ZNF708: variants seen among roughly 807,000 people sequenced by gnomAD.
The protein encoded by ZNF708 is zinc finger protein 708, also known as ZNF15, ZNF15L1.
Under a neutral mutation model 47.0 loss-of-function variants are expected in ZNF708, and 44 were observed. That is an observed-to-expected ratio of 0.94 (90% CI 0.74 to 1.20). ZNF708 has a LOEUF of 1.20. Among genes scored for constraint, ZNF708 ranks in the 50% most tolerant of loss-of-function variants. The probability of loss-of-function intolerance (pLI) is 0.00; values close to 1 mark genes in which losing one functional copy is unlikely to be tolerated. For synonymous variants in ZNF708, 184 were observed against 218.5 expected (o/e 0.84, Z 1.39); for missense variants, 557 against 656.0 (o/e 0.85, Z 1.65).
rs986740377 is a variant in ZNF708, at chr19:21,316,716, A to C, written c.4-6089T>G. ...ACGCCTGTAATCCCAACACTTTGGG[A>C]GGCTGAGATGGGTGGATCATGAGGT... On this transcript the variant is annotated intron_variant, in intron 1 of 3. Coordinates refer to ENST00000356929, the MANE Select transcript of ZNF708 (RefSeq NM_021269.3). Among the ~76,000 whole-genome samples, 5 of 150,824 alleles carry C rather than the reference A, an allele frequency of 3.3e-5. No homozygotes were observed. In the South Asian group the frequency reaches 8.6e-4, roughly 26 times the overall value.
chr19:21,317,454 A>G (rs1379075513), intron 1 of ZNF708, among the ~76,000 whole-genome samples: 1 of 152,096 alleles, frequency 6.6e-6, no homozygotes, highest in Non-Finnish European at 1.5e-5. Flanking sequence ...TTGCAGCACA[A>G]TTGTGAGTTG....
At chr19:21,308,448 T>C (rs1972831503) in intron 3 of ZNF708, among the ~76,000 whole-genome samples, 2 of 152,064 alleles carry the variant, frequency 1.3e-5, no homozygotes, top group African/African-American at 4.8e-5. Flanking sequence ...CCTGGCTAAT[T>C]TTGTATTTTT....
intron 1 of ZNF708, among the ~76,000 whole-genome samples, chr19:21,323,830 A>T (rs1190714109): frequency 6.6e-6 from 1 of 152,222 alleles, no homozygotes; most frequent in East Asian, 1.9e-4. Flanking sequence ...CTCCCCAGAA[A>T]AAACTAACTG....
At position 21,329,363 on chromosome 19, in the gene ZNF708, G is replaced by GC. The variant is rs1351381734; in HGVS notation, c.-152dup. 8 of 1,275,194 alleles carry GC rather than the reference G, an allele frequency of 6.3e-6. No homozygotes were observed. Among genetic ancestry groups the GC allele is most frequent in the Non-Finnish European group, 8.9e-6 (8 of 903,318 alleles). The allele number at this position is 1,275,194 out of a possible 1,614,324, so 79.0% of individuals were successfully genotyped here. On this transcript the variant is annotated 5_prime_UTR_variant, in exon 1 of 4. Transcript: ENST00000356929. ...CCGGCTGCAGCAAGAGACAAAGGCC[G>GC]CGCCAAACCCGGAAGCCGCCCTGTC...
At chr19:21,306,196 G>GCAA (rs769838850) in intron 3 of ZNF708, among the ~76,000 whole-genome samples, 8 of 151,874 alleles carry the variant, frequency 5.3e-5, no homozygotes, top group Middle Eastern at 6.8e-3. Context: ...AAATGCATGA[G>GCAA]CAACAACAAC....
At chr19:21,321,028 CT>C (rs1973120865) in intron 1 of ZNF708, among the ~76,000 whole-genome samples, 1 of 151,926 alleles carries the variant, frequency 6.6e-6, no homozygotes, top group Non-Finnish European at 1.5e-5. Context: ...GTAGTACCAG[CT>C]ACTGTGGAGG....
intron 1 of ZNF708, chr19:21,327,928 C>T: frequency 3.2e-6 from 3 of 935,250 alleles, no homozygotes; most frequent in Non-Finnish European, 3.9e-6. Context: ...CCAGGGCATC[C>T]ACCTGCTCCC....
chr19:21,323,176 A>G (rs1037673811), intron 1 of ZNF708, among the ~76,000 whole-genome samples: 1 of 152,236 alleles, frequency 6.6e-6, no homozygotes, highest in South Asian at 2.1e-4. Context: ...GTTCTCCAGG[A>G]ACAGTTTATC....
intron 1 of ZNF708, among the ~76,000 whole-genome samples, chr19:21,327,739 A>C (rs1485081318): frequency 6.6e-6 from 1 of 151,736 alleles, no homozygotes; most frequent in African/African-American, 2.4e-5. Flanking sequence ...TTTTCCACAA[A>C]ATTTAGAGAA....
At chr19:21,308,329 G>C (rs1599678338) in intron 3 of ZNF708, among the ~76,000 whole-genome samples, 1 of 150,640 alleles carries the variant, frequency 6.6e-6, no homozygotes, top group East Asian at 1.9e-4. Context: ...GCCAAGGCTG[G>C]AGTGCAGTGG....
intron 3 of ZNF708, among the ~76,000 whole-genome samples, chr19:21,301,205 G>A (rs981454072): frequency 2.0e-5 from 3 of 152,058 alleles, no homozygotes; most frequent in Non-Finnish European, 4.4e-5. Flanking sequence ...AGCCAGGCAC[G>A]GTGGCTCACC....
chr19:21,297,258 ATATATATATATATTTTTTTTTTTTTTT>A (rs1169138695), intron 3 of ZNF708, among the ~76,000 whole-genome samples: 36 of 14,722 alleles, frequency 2.4e-3, no homozygotes, highest in African/African-American at 6.2e-3. Context: ...ATATATATAT[ATATATATATATATTTTTTTTTTTTTTT>A]TTTTTTTTTT....
At position 21,292,659 on chromosome 19, in the gene ZNF708, TA is replaced by T. The variant is rs1599663660; in HGVS notation, c.*614del. On this transcript the variant is annotated 3_prime_UTR_variant, in exon 4 of 4. Transcript: ENST00000356929. ...ATGTTTGTCTTCAAAATAAATACTT[TA>T]AAAGCTTATATTTTCTGAAATACTT... The T allele has an allele frequency of 6.5e-6, 1 of 152,784 alleles. No homozygotes were observed. The highest frequency in any genetic ancestry group is 1.9e-4 in the East Asian group (1 of 5,200). 9.5% of individuals were successfully genotyped at this position (152,784 alleles called of 1,614,324 possible). A position where few individuals can be genotyped will look rare whatever the true frequency, so the allele number is the denominator to read the frequency against.
intron 1 of ZNF708, 124 bp downstream of exon 1, chr19:21,329,086 C>T (rs1168350017): frequency 1.4e-6 from 2 of 1,442,990 alleles, no homozygotes; most frequent in Non-Finnish European, 9.7e-7. Context: ...CCGAGCTAGG[C>T]AAGGAGAACT....
rs1253711320 is a variant in ZNF708, at chr19:21,294,384, T to C, written c.582A>G (p.Lys194=). Residue 194 remains lysine (K), a synonymous_variant, in exon 4 of 4, where the codon AAA becomes AAG. Coordinates refer to ENST00000356929, the MANE Select transcript of ZNF708 (RefSeq NM_021269.3). ...TGCCACATTCTTCACATTTGTAGGG[T>C]TTTTCTCCAGTATGAATTATCTCAT... ...TQHEIIHTGE[K]PYKCEECGKA... 1 of 1,613,866 alleles carries C rather than the reference T, an allele frequency of 6.2e-7. No homozygotes were observed. The highest frequency in any genetic ancestry group is 8.5e-7 in the Non-Finnish European group (1 of 1,179,956).
chr19:21,324,237 C>T (rs1973212436), intron 1 of ZNF708, among the ~76,000 whole-genome samples: 2 of 148,806 alleles, frequency 1.3e-5, no homozygotes, highest in Non-Finnish European at 3.0e-5. Context: ...AGCAAGACTC[C>T]GTCTCAAAAA....
chr19:21,309,476 G>C (rs1972853710), intron 2 of ZNF708, 135 bp from the exon 3 acceptor site: 3 of 759,408 alleles, frequency 4.0e-6, no homozygotes, highest in Non-Finnish European at 3.8e-6. Context: ...GAGAGGCCGA[G>C]GTGGGTAGAT....
In ZNF708 at chr19:21,292,705, A is replaced by G. The variant is rs2145142139; in HGVS notation, c.*569T>C. On this transcript the variant is annotated 3_prime_UTR_variant, in exon 4 of 4. Transcript: ENST00000356929. ...ATACTTTTTGACAGTAATTAAATTT[A>G]TAATACTTTTTTTAAGTACTCTCTG... The G allele has an allele frequency of 6.5e-6, 1 of 152,870 alleles. No individual in the cohort carries two copies. The highest frequency in any genetic ancestry group is 1.9e-4 in the East Asian group (1 of 5,194). The allele number at this position is 152,870 out of a possible 1,614,324, so 9.5% of individuals were successfully genotyped here.
At position 21,292,663 on chromosome 19, in the gene ZNF708, AG is replaced by A. The variant is rs1972419451; in HGVS notation, c.*610del. 1 of 152,640 alleles carries A rather than the reference AG, an allele frequency of 6.6e-6. No homozygotes were observed. The highest frequency in any genetic ancestry group is 1.5e-5 in the Non-Finnish European group (1 of 68,408). 9.5% of individuals were successfully genotyped at this position (152,640 alleles called of 1,614,324 possible). A position where few individuals can be genotyped will look rare whatever the true frequency, so the allele number is the denominator to read the frequency against. On this transcript the variant is annotated 3_prime_UTR_variant, in exon 4 of 4. Coordinates refer to ENST00000356929, the MANE Select transcript of ZNF708 (RefSeq NM_021269.3). ...TTGTCTTCAAAATAAATACTTTAAA[AG>A]CTTATATTTTCTGAAATACTTTTTG...
Sources: gnomAD v4.1 joint callset for allele counts (sites outside exome capture counted in the v4.1 genomes callset) on GRCh38, gnomAD v4.1.1 for gene constraint, MANE v1.5 for transcripts, NCBI Gene and HGNC (gene_info 2026-07-23, HGNC 2026-07-21) for gene names.